Variants in PAPPA2 observed in about 807,000 individuals in gnomAD.
The protein encoded by PAPPA2 is pappalysin-2.
PAPPA2 carries 86 observed loss-of-function variants against 176.4 expected under a neutral mutation model. That is an observed-to-expected ratio of 0.49 (90% CI 0.41 to 0.58). The LOEUF (loss-of-function observed/expected upper bound fraction) is 0.58. PAPPA2 is among the 20% of genes least tolerant of loss of function. The probability of loss-of-function intolerance (pLI) is 0.00; values close to 1 mark genes in which losing one functional copy is unlikely to be tolerated. For missense variants in PAPPA2, 2,073 were observed against 2,256.9 expected (o/e 0.92, Z 1.65); for synonymous variants, 809 against 852.2 (o/e 0.95, Z 0.88).
intron 3 of PAPPA2, among the ~76,000 whole-genome samples, chr1:176,670,058 A>G (rs1658896434): frequency 6.6e-6 from 1 of 152,170 alleles, no homozygotes; most frequent in Admixed American, 6.6e-5. Flanking sequence ...TAGTAAGTCT[A>G]AGGGACCATT....
At chr1:176,803,203 G>T (rs541358326) in intron 21 of PAPPA2, among the ~76,000 whole-genome samples, 1 of 152,296 alleles carries the variant, frequency 6.6e-6, no homozygotes, top group Admixed American at 6.5e-5. Context: ...AGTAGTGTGA[G>T]CCTCTGTATT....
intron 21 of PAPPA2, 70 bp from the exon 22 acceptor site, chr1:176,840,103 G>T: frequency 8.2e-7 from 1 of 1,222,392 alleles, no homozygotes. Context: ...CGCTGGGATG[G>T]GAGGAGTGGC....
intron 2 of PAPPA2, among the ~76,000 whole-genome samples, chr1:176,570,694 G>T (rs1042432470): frequency 6.7e-6 from 1 of 150,266 alleles, no homozygotes; most frequent in Admixed American, 6.6e-5. Flanking sequence ...GCCATGGCTG[G>T]TCCCTGGCTG....
intron 1 of PAPPA2, among the ~76,000 whole-genome samples, chr1:176,505,657 G>GAACAAC (rs1456060786): frequency 6.6e-6 from 1 of 151,690 alleles, no homozygotes; most frequent in Non-Finnish European, 1.5e-5. Context: ...AATTCATATG[G>GAACAAC]AACAGCAACA....
intron 1 of PAPPA2, among the ~76,000 whole-genome samples, chr1:176,467,941 G>A (rs1193261062): frequency 1.3e-5 from 2 of 152,178 alleles, no homozygotes; most frequent in African/African-American, 2.4e-5. Context: ...ATGAAGAATA[G>A]CATTTGTGTG....
chr1:176,798,011 A>T (rs936395556), intron 20 of PAPPA2, among the ~76,000 whole-genome samples: 3 of 152,228 alleles, frequency 2.0e-5, no homozygotes, highest in Non-Finnish European at 4.4e-5. Flanking sequence ...AATGCTAGAT[A>T]GTCCCTATTC....
intron 2 of PAPPA2, among the ~76,000 whole-genome samples, chr1:176,582,619 A>G (rs1301654358): frequency 2.6e-5 from 4 of 152,060 alleles, no homozygotes; most frequent in South Asian, 2.1e-4. Flanking sequence ...CCACTTGATC[A>G]TAGTGTATGT....
chr1:176,743,984 T>G (rs575759294), intron 14 of PAPPA2, among the ~76,000 whole-genome samples: 1 of 152,358 alleles, frequency 6.6e-6, no homozygotes, highest in East Asian at 1.9e-4. Flanking sequence ...TCTACTCATC[T>G]CTTTACAGCA....
intron 3 of PAPPA2, among the ~76,000 whole-genome samples, chr1:176,670,257 G>T (rs189231127): frequency 6.6e-6 from 1 of 152,280 alleles, no homozygotes; most frequent in African/African-American, 2.4e-5. Flanking sequence ...GTTTTTAATA[G>T]ACCTTTAATT....
chr1:176,741,414 G>A (rs1394765034), intron 14 of PAPPA2, among the ~76,000 whole-genome samples: 1 of 152,206 alleles, frequency 6.6e-6, no homozygotes, highest in East Asian at 1.9e-4. Context: ...GCAGCTATCT[G>A]AGTGTCTTTG....
At chr1:176,498,751 C>CAAAAAAAA (rs1553352050) in intron 1 of PAPPA2, among the ~76,000 whole-genome samples, 1 of 112,130 alleles carries the variant, frequency 8.9e-6, no homozygotes, top group African/African-American at 3.3e-5. Context: ...CTCTTACCTC[C>CAAAAAAAA]AAAAAAAAAA....
chr1:176,522,298 A>G (rs1390068707), intron 1 of PAPPA2, among the ~76,000 whole-genome samples: 1 of 152,234 alleles, frequency 6.6e-6, no homozygotes, highest in East Asian at 1.9e-4. Flanking sequence ...TCATTCTTCA[A>G]ATGCCTTTGG....
chr1:176,595,677 G>A, intron 3 of PAPPA2, 82 bp downstream of exon 3: 2 of 1,315,124 alleles, frequency 1.5e-6, no homozygotes, highest in East Asian at 4.9e-5. Flanking sequence ...GGAGGCAAAT[G>A]TGTTCACACA....
rs145715597 is a variant in PAPPA2, at chr1:176,723,044, C to T, written c.3798+11063C>T. 1.8e-4 allele frequency among the ~76,000 whole-genome samples: 28 copies of T among 152,302 alleles called. No homozygotes were observed. The East Asian group carries it at 5.2e-3, about 28-fold the overall frequency. ...TCTAAGAGCATGGTGCTGGCATCTG[C>T]TCAACATCGGGTGAAAGCCTTCTTG... On this transcript the variant is annotated intron_variant, in intron 12 of 22. Coordinates refer to ENST00000367662, the MANE Select transcript of PAPPA2 (RefSeq NM_020318.3).
chr1:176,736,098 C>T (rs934145689), intron 12 of PAPPA2, among the ~76,000 whole-genome samples: 2 of 152,070 alleles, frequency 1.3e-5, no homozygotes, highest in Admixed American at 6.6e-5. Context: ...TGATGCACAT[C>T]TCAGATCTGA....
At chr1:176,479,053 T>G (rs988619607) in intron 1 of PAPPA2, among the ~76,000 whole-genome samples, 3 of 152,136 alleles carry the variant, frequency 2.0e-5, no homozygotes, top group Admixed American at 6.6e-5. Context: ...GACAAGGATT[T>G]TTTCACTCAA....
chr1:176,532,680 C>T (rs187909871), intron 1 of PAPPA2, among the ~76,000 whole-genome samples: 108 of 152,316 alleles, frequency 7.1e-4, no homozygotes, highest in African/African-American at 2.5e-3. Flanking sequence ...CGCAGCATCA[C>T]TCTCTCACTT....
At chr1:176,469,521 C>T (rs923684338) in intron 1 of PAPPA2, among the ~76,000 whole-genome samples, 1 of 152,158 alleles carries the variant, frequency 6.6e-6, no homozygotes, top group African/African-American at 2.4e-5. Flanking sequence ...TGGGTGATGC[C>T]TTGGGAAGTG....
In PAPPA2 at chr1:176,637,110, G is replaced by A. The variant is rs371848762; in HGVS notation, c.1992-33860G>A. On this transcript the variant is annotated intron_variant, in intron 3 of 22. Coordinates refer to ENST00000367662, the MANE Select transcript of PAPPA2 (RefSeq NM_020318.3). ...GTAGGATTGTAGGCAATGGGGGATAGCGTGCATGAAAGTTTGGAGAAAATA... is the reference window on the plus strand; with the variant it reads ...GTAGGATTGTAGGCAATGGGGGATAACGTGCATGAAAGTTTGGAGAAAATA... Among the ~76,000 whole-genome samples, 542 of 152,186 alleles carry A rather than the reference G, an allele frequency of 3.6e-3. 2 individuals carry two copies. The highest frequency in any genetic ancestry group is 6.4e-3 in the Non-Finnish European group (432 of 68,000).
Sources: allele counts gnomAD v4.1 joint callset (sites outside exome capture counted in the v4.1 genomes callset), GRCh38; gene constraint gnomAD v4.1.1; transcripts MANE v1.5; gene names NCBI Gene and HGNC (gene_info 2026-07-23, HGNC 2026-07-21).